BICD1: variants seen among roughly 807,000 people sequenced by gnomAD.
The protein encoded by BICD1 is BICD cargo adaptor 1, also known as protein bicaudal D homolog 1.
Under a neutral mutation model 92.5 loss-of-function variants are expected in BICD1, and 35 were observed. That is an observed-to-expected ratio of 0.38 (90% CI 0.29 to 0.50). The LOEUF (loss-of-function observed/expected upper bound fraction) is 0.50, where lower values mean the gene tolerates loss of function less well. BICD1 is among the 20% of genes least tolerant of loss of function. The pLI is 0.93. For synonymous variants in BICD1, 429 were observed against 465.1 expected, an observed-to-expected ratio of 0.92 and a Z score of 1.00; for missense variants, 950 against 1,189.8, an observed-to-expected ratio of 0.80 and a Z score of 2.97.
chr12:32,364,901 T>C (rs1939468517), intron 8 of BICD1, among the ~76,000 whole-genome samples: 1 of 151,788 alleles, frequency 6.6e-6, no homozygotes, highest in Non-Finnish European at 1.5e-5. Context: ...AAGTGAGCTA[T>C]GATAGCCACC....
At chr12:32,298,870 C>CAAAAAAAAAA (rs59280755) in intron 3 of BICD1, among the ~76,000 whole-genome samples, 1 of 56,104 alleles carries the variant, frequency 1.8e-5, no homozygotes, top group African/African-American at 6.2e-5. Context: ...AACTCCATCT[C>CAAAAAAAAAA]AAAAAAAAAA....
At chr12:32,202,303 C>T (rs888685250) in intron 1 of BICD1, among the ~76,000 whole-genome samples, 7 of 152,244 alleles carry the variant, frequency 4.6e-5, no homozygotes, top group Non-Finnish European at 1.0e-4. Context: ...TCAAGGGGCC[C>T]AGTAGGCAAT....
chr12:32,135,952 C>T (rs1021572965), intron 1 of BICD1, among the ~76,000 whole-genome samples: 1 of 152,170 alleles, frequency 6.6e-6, no homozygotes, highest in African/African-American at 2.4e-5. Flanking sequence ...ATTCTCAGTT[C>T]TGCCTCTTAA....
At chr12:32,248,564 T>C (rs974673126) in intron 2 of BICD1, among the ~76,000 whole-genome samples, 9 of 152,186 alleles carry the variant, frequency 5.9e-5, no homozygotes, top group Non-Finnish European at 1.2e-4. Context: ...TCTGCTTCCT[T>C]ATTATGCATA....
At chr12:32,204,268 T>C (rs1438559587) in intron 1 of BICD1, among the ~76,000 whole-genome samples, 2 of 150,228 alleles carry the variant, frequency 1.3e-5, no homozygotes, top group African/African-American at 4.9e-5. Flanking sequence ...GAAGATTGCC[T>C]GAGCCTGGGA....
intron 8 of BICD1, chr12:32,340,171 G>A: frequency 1.0e-6 from 1 of 985,126 alleles, no homozygotes; most frequent in Non-Finnish European, 1.2e-6. Context: ...TCTGATTCAT[G>A]AAGTCAGCCT....
chr12:32,338,516 G>A (rs1359009432), intron 7 of BICD1: 2 of 298,292 alleles, frequency 6.7e-6, no homozygotes, highest in Non-Finnish European at 6.0e-6. Flanking sequence ...TATTTTAGGA[G>A]CTTTCATTAA....
At chr12:32,231,681 T>C (rs931963626) in intron 2 of BICD1, among the ~76,000 whole-genome samples, 19 of 151,834 alleles carry the variant, frequency 1.3e-4, no homozygotes, top group African/African-American at 3.9e-4. Context: ...GCTGGTGCGC[T>C]GCACCCACTA....
chr12:32,337,517 C>T lies in BICD1; in HGVS notation c.2271C>T (p.Thr757=), dbSNP rs1370775219. 3.7e-6 allele frequency: 6 copies of T among 1,610,126 alleles called. No homozygotes were observed. In the African/African-American group the frequency reaches 6.7e-5, roughly 18 times the overall value. ...GTTCCAGATGTGATGAATATGTCAC[C>T]CAGTTGGATGAGATGCAGAGACAGT... ...MFATRCDEYV[T]QLDEMQRQLA... The change falls in exon 7 of 10, where the codon ACC becomes ACT. Residue 757 remains threonine (T), a synonymous_variant. Coordinates refer to ENST00000652176, the MANE Select transcript of BICD1 (RefSeq NM_001714.4). The surrounding 1 kb of genome is among the most constrained non-coding windows in gnomAD (Gnocchi z 4.7).
chr12:32,238,859 G>T (rs566707677), intron 2 of BICD1, among the ~76,000 whole-genome samples: 1 of 147,700 alleles, frequency 6.8e-6, no homozygotes, highest in South Asian at 2.2e-4. Flanking sequence ...CAGGAGAATC[G>T]ATTGAACCCG....
intron 1 of BICD1, among the ~76,000 whole-genome samples, chr12:32,135,057 TTCCCC>T (rs982546750): frequency 3.2e-5 from 1 of 31,194 alleles, no homozygotes; most frequent in African/African-American, 1.0e-4. Flanking sequence ...CTCCCCTCCA[TTCCCC>T]TCCCCTCCCC....
chr12:32,264,549 A>C (rs1205461285), intron 2 of BICD1, among the ~76,000 whole-genome samples: 6 of 152,100 alleles, frequency 3.9e-5, no homozygotes, highest in Admixed American at 3.3e-4. Flanking sequence ...GTGCAGTGGC[A>C]TGATGTCAGC....
chr12:32,249,723 T>C (rs1365156765), intron 2 of BICD1, among the ~76,000 whole-genome samples: 9 of 151,674 alleles, frequency 5.9e-5, no homozygotes, highest in Admixed American at 4.0e-4. Flanking sequence ...ATGTATTTCG[T>C]TAATTAGCAG....
intron 1 of BICD1, among the ~76,000 whole-genome samples, chr12:32,145,072 A>G (rs1015094059): frequency 5.9e-5 from 9 of 152,206 alleles, no homozygotes; most frequent in African/African-American, 2.2e-4. Context: ...ATTTTTGTCA[A>G]TGTTTTAATC....
At chr12:32,277,017 A>G (rs1947292842) in intron 2 of BICD1, among the ~76,000 whole-genome samples, 1 of 152,220 alleles carries the variant, frequency 6.6e-6, no homozygotes, top group African/African-American at 2.4e-5. Context: ...AAGAAAACTA[A>G]CAGTCCCAAA....
At chr12:32,212,709 C>T (rs1592486259) in intron 1 of BICD1, among the ~76,000 whole-genome samples, 1 of 152,318 alleles carries the variant, frequency 6.6e-6, no homozygotes, top group East Asian at 1.9e-4. Flanking sequence ...AGGCGTGAGC[C>T]ACCGTGTCCA....
chr12:32,164,364 C>T lies in BICD1; in HGVS notation c.214-51883C>T, dbSNP rs183617455. 2.7e-4 allele frequency among the ~76,000 whole-genome samples: 41 copies of T among 152,240 alleles called. No homozygotes were observed. In the East Asian group the frequency reaches 6.2e-3, roughly 23 times the overall value. ...GCTATTATGCCCCAATTCTCATTAG[C>T]GCACTTAAAAATCAGTTCTTTCCAC... On this transcript the variant is annotated intron_variant, in intron 1 of 9. Transcript: ENST00000652176.
At chr12:32,195,780 A>C (rs1233507215) in intron 1 of BICD1, among the ~76,000 whole-genome samples, 1 of 152,222 alleles carries the variant, frequency 6.6e-6, no homozygotes, top group Non-Finnish European at 1.5e-5. Context: ...ATGAAATGGG[A>C]CTATGTTAAA....
At chr12:32,176,571 G>T (rs1012933720) in intron 1 of BICD1, among the ~76,000 whole-genome samples, 3 of 152,188 alleles carry the variant, frequency 2.0e-5, no homozygotes, top group Non-Finnish European at 2.9e-5. Context: ...CTTGCCCTCA[G>T]ATTTTGATTT....
Sources: allele counts gnomAD v4.1 joint callset (sites outside exome capture counted in the v4.1 genomes callset), GRCh38; gene constraint gnomAD v4.1.1; non-coding constraint Gnocchi (gnomAD v3.1); transcripts MANE v1.5; gene names NCBI Gene and HGNC (gene_info 2026-07-23, HGNC 2026-07-21).